TUFT1: variants seen among roughly 807,000 people sequenced by gnomAD.
TUFT1 encodes tuftelin.
A neutral mutation model predicts 57.8 loss-of-function variants in TUFT1; 43 were observed. That is an observed-to-expected ratio of 0.74 (90% CI 0.58 to 0.96). The LOEUF is 0.96. Ranked by LOEUF, TUFT1 falls within the 40% of genes least tolerant of loss-of-function variation. The pLI, the probability that TUFT1 is intolerant of heterozygous loss-of-function variation, is 0.00. For synonymous variants in TUFT1, 166 were observed against 176.7 expected (o/e 0.94, Z 0.48); for missense variants, 459 against 489.0 (o/e 0.94, Z 0.58).
intron 9 of TUFT1, among the ~76,000 whole-genome samples, chr1:151,576,622 C>T (rs116560384): frequency 2.0e-3 from 299 of 152,200 alleles, no homozygotes; most frequent in African/African-American, 6.8e-3. Flanking sequence ...CTCAGGTAAA[C>T]ATTTTCCGTA....
At chr1:151,579,553 G>C in intron 10 of TUFT1, 96 bp from the exon 11 acceptor site, 2 of 1,199,918 alleles carry the variant, frequency 1.7e-6, no homozygotes, top group Non-Finnish European at 1.2e-6. Flanking sequence ...TGGAGTTGCA[G>C]GGCTCTGCTG....
At chr1:151,554,304 A>G (rs1472850528) in intron 1 of TUFT1, among the ~76,000 whole-genome samples, 1 of 152,232 alleles carries the variant, frequency 6.6e-6, no homozygotes, top group Non-Finnish European at 1.5e-5. Flanking sequence ...CATTTTGTTT[A>G]GTAGGAATTC....
chr1:151,550,448 G>A (rs1012752972), intron 1 of TUFT1, among the ~76,000 whole-genome samples: 1 of 152,026 alleles, frequency 6.6e-6, no homozygotes, highest in Admixed American at 6.5e-5. Context: ...GGGTTTAAGC[G>A]ATTCTCCCAC....
intron 1 of TUFT1, among the ~76,000 whole-genome samples, chr1:151,552,683 G>A (rs1449914419): frequency 2.8e-5 from 3 of 106,508 alleles, no homozygotes; most frequent in Middle Eastern, 0.013. Context: ...CAGCCTGGCC[G>A]ACAGAGCGAG....
chr1:151,574,208 G>GT (rs1260207596), intron 7 of TUFT1, 62 bp from the exon 8 acceptor site: 64 of 1,563,756 alleles, frequency 4.1e-5, no homozygotes, highest in Admixed American at 1.2e-4. Context: ...CTTTTCTAAG[G>GT]TTTTTTTCCA....
chr1:151,544,940 C>G (rs1665285307), intron 1 of TUFT1, among the ~76,000 whole-genome samples: 2 of 152,134 alleles, frequency 1.3e-5, no homozygotes, highest in Admixed American at 6.5e-5. Flanking sequence ...TGCTTCCTTC[C>G]CATCCTCCCA....
At chr1:151,572,505 G>T (rs993883539) in intron 7 of TUFT1, among the ~76,000 whole-genome samples, 1 of 151,980 alleles carries the variant, frequency 6.6e-6, no homozygotes, top group Non-Finnish European at 1.5e-5. Context: ...ATAAATAAAT[G>T]TACATAAATA....
In TUFT1 at chr1:151,540,443, T is replaced by C; in HGVS notation, c.60+17T>C. ...CAGGCGGCGGTAAGAAAAAGCGCTCTCGCTGTCTTCTCCGTTTTGTATTCC... is the reference window on the plus strand; with the variant it reads ...CAGGCGGCGGTAAGAAAAAGCGCTCCCGCTGTCTTCTCCGTTTTGTATTCC... On this transcript the variant is annotated intron_variant, in intron 1 of 12. Coordinates refer to ENST00000368849, the MANE Select transcript of TUFT1 (RefSeq NM_020127.3). 1 of 1,614,102 alleles carries C rather than the reference T, an allele frequency of 6.2e-7. No individual in the cohort carries two copies. The highest frequency in any genetic ancestry group is 8.5e-7 in the Non-Finnish European group (1 of 1,179,932).
chr1:151,553,806 T>A (rs892946034), intron 1 of TUFT1, among the ~76,000 whole-genome samples: 2 of 152,242 alleles, frequency 1.3e-5, no homozygotes, highest in African/African-American at 2.4e-5. Flanking sequence ...CCACATCTGC[T>A]GAACACTTCG....
intron 1 of TUFT1, among the ~76,000 whole-genome samples, chr1:151,556,460 G>A (rs1272372024): frequency 6.6e-6 from 1 of 150,944 alleles, no homozygotes; most frequent in African/African-American, 2.4e-5. Flanking sequence ...CCAGGCTGGA[G>A]TGCTGTGGTA....
At chr1:151,540,602 C>T in intron 1 of TUFT1, 176 bp downstream of exon 1, 1 of 683,814 alleles carries the variant, frequency 1.5e-6, no homozygotes, top group Non-Finnish European at 2.5e-6. Context: ...GTGGGAGTCG[C>T]GGGGTGAAGA....
At chr1:151,552,796 A>G (rs952006765) in intron 1 of TUFT1, among the ~76,000 whole-genome samples, 6 of 151,314 alleles carry the variant, frequency 4.0e-5, no homozygotes, top group African/African-American at 1.5e-4. Context: ...TGAAGACCCA[A>G]ATATACAGAG....
At chr1:151,540,544 G>A (rs1665128563) in intron 1 of TUFT1, 118 bp downstream of exon 1, 2 of 1,117,826 alleles carry the variant, frequency 1.8e-6, no homozygotes, top group African/African-American at 1.6e-5. Context: ...CGCGCGGTCA[G>A]CCCTGCGCGG....
At chr1:151,561,933 T>C in intron 1 of TUFT1, 158 bp from the exon 2 acceptor site, 1 of 1,493,406 alleles carries the variant, frequency 6.7e-7, no homozygotes, top group African/African-American at 1.4e-5. Context: ...TTGGGCAAGG[T>C]AATGCTGCCT....
intron 1 of TUFT1, among the ~76,000 whole-genome samples, chr1:151,547,633 A>G (rs1229759862): frequency 6.6e-6 from 1 of 152,228 alleles, no homozygotes; most frequent in Non-Finnish European, 1.5e-5. Context: ...GCACAGAAGC[A>G]AAAATCACTA....
chr1:151,561,713 G>T, intron 1 of TUFT1: 1 of 1,300,082 alleles, frequency 7.7e-7, no homozygotes, highest in South Asian at 1.2e-5. Context: ...CTGGCTGGTT[G>T]TCAGGAGCAG....
intron 8 of TUFT1, 44 bp from the exon 9 acceptor site, chr1:151,574,867 G>A (rs1163296286): frequency 1.3e-6 from 2 of 1,514,030 alleles, no homozygotes; most frequent in Admixed American, 2.0e-5. Flanking sequence ...CGCAGAAACT[G>A]TTGCCATCTT....
At chr1:151,575,738 T>C (rs949016165) in intron 9 of TUFT1, among the ~76,000 whole-genome samples, 1 of 152,236 alleles carries the variant, frequency 6.6e-6, no homozygotes, top group African/African-American at 2.4e-5. Flanking sequence ...TTGATCTTCA[T>C]TGTGTAAGGT....
rs1257670057 is a variant in TUFT1 at position 151,582,913 on chromosome 1, GTCA to G, written c.*1211_*1213del. On this transcript the variant is annotated 3_prime_UTR_variant, in exon 13 of 13. Coordinates refer to ENST00000368849, the MANE Select transcript of TUFT1 (RefSeq NM_020127.3). The stretch of plus-strand genomic sequence containing the variant: ...ATCCTGGCTCTGAATGACCCTGCAG[GTCA>G]TCATGGTTTTCTTTTTTTATTGTTT... The G allele has an allele frequency of 6.6e-6, 1 of 151,674 alleles. No homozygotes were observed. The highest frequency in any genetic ancestry group is 1.5e-5 in the Non-Finnish European group (1 of 67,996). 9.4% of individuals were successfully genotyped at this position (151,674 alleles called of 1,614,324 possible). A position where few individuals can be genotyped will look rare whatever the true frequency, so the allele number is the denominator to read the frequency against.
Sources: gnomAD v4.1 joint callset for allele counts (sites outside exome capture counted in the v4.1 genomes callset) on GRCh38, gnomAD v4.1.1 for gene constraint, MANE v1.5 for transcripts, NCBI Gene and HGNC (gene_info 2026-07-23, HGNC 2026-07-21) for gene names.